The following DLG2 variants were observed in gnomAD, a reference collection of about 807,000 sequenced individuals.
DLG2 encodes disks large homolog 2.
DLG2 carries 45 observed loss-of-function variants against 132.5 expected under a neutral mutation model. That is an observed-to-expected ratio of 0.34 (90% CI 0.27 to 0.44). The LOEUF (loss-of-function observed/expected upper bound fraction) is 0.44. Among genes scored for constraint, DLG2 ranks in the 20% least tolerant of loss-of-function variants. DLG2 has a pLI of 1.00. For missense variants in DLG2, 1,045 were observed against 1,196.9 expected (o/e 0.87, Z 1.87); for synonymous variants, 424 against 419.6 (o/e 1.01, Z -0.13).
At chr11:83,739,453 G>C (rs1210235800) in intron 18 of DLG2, among the ~76,000 whole-genome samples, 1 of 151,966 alleles carries the variant, frequency 6.6e-6, no homozygotes, top group Non-Finnish European at 1.5e-5. Flanking sequence ...ATATGCATTG[G>C]AGCCTTAAAT....
chr11:83,721,036 G>A (rs2088404476), intron 18 of DLG2: 1 of 151,988 alleles, frequency 6.6e-6, no homozygotes, highest in Admixed American at 6.6e-5. Flanking sequence ...AAAGAATCTG[G>A]GCCTTTAGCA....
At chr11:85,502,944 T>G (rs1190429340) in intron 3 of DLG2, among the ~76,000 whole-genome samples, 1 of 152,002 alleles carries the variant, frequency 6.6e-6, no homozygotes, top group East Asian at 1.9e-4. Flanking sequence ...CACTCTACAA[T>G]GGATACATTA....
At chr11:84,115,430 ATTT>A (rs200117183) in intron 9 of DLG2, among the ~76,000 whole-genome samples, 1,870 of 152,272 alleles carry the variant, frequency 0.012, 34 homozygotes, top group African/African-American at 0.043. Flanking sequence ...TTAGGAGTAT[ATTT>A]GCTTTCTTTG....
In DLG2 at chr11:83,461,997, C is replaced by T; in HGVS notation, c.2821+5G>A. On this transcript the variant is annotated splice_donor_5th_base_variant and intron_variant, in intron 27 of 27. Coordinates refer to ENST00000376104, the MANE Select transcript of DLG2 (RefSeq NM_001142699.3). ...CTCACACTACCAGGGTAAAAGTGAA[C>T]TTACCTGTAAAATATTCTCCAAATT... 6.3e-7 allele frequency: 1 copy of T among 1,589,928 alleles called. No homozygotes were observed. Among genetic ancestry groups the T allele is most frequent in the Non-Finnish European group, 8.6e-7 (1 of 1,158,026 alleles).
At chr11:84,961,994 T>C (rs2052649315) in intron 6 of DLG2, among the ~76,000 whole-genome samples, 1 of 152,206 alleles carries the variant, frequency 6.6e-6, no homozygotes, top group South Asian at 2.1e-4. Context: ...GACAGGGTGC[T>C]ATAAGCTTTA....
intron 7 of DLG2, among the ~76,000 whole-genome samples, chr11:84,285,893 T>TGAGTAGGTACTC (rs1363220911): frequency 1.3e-5 from 2 of 152,188 alleles, no homozygotes; most frequent in Admixed American, 1.3e-4. Context: ...ACTCAATAAA[T>TGAGTAGGTACTC]ATTTGTTGGA....
chr11:84,200,994 T>G (rs961169830), intron 8 of DLG2, among the ~76,000 whole-genome samples: 3 of 152,204 alleles, frequency 2.0e-5, no homozygotes, highest in African/African-American at 7.2e-5. Context: ...TGAATAGAAG[T>G]GCTGAGAGAG....
chr11:84,402,733 T>C (rs1218878523), intron 7 of DLG2, among the ~76,000 whole-genome samples: 1 of 151,636 alleles, frequency 6.6e-6, no homozygotes, highest in Non-Finnish European at 1.5e-5. Flanking sequence ...ATACAAGAAA[T>C]TAGCCCAGTG....
chr11:85,189,660 T>A (rs1026946426), intron 4 of DLG2, among the ~76,000 whole-genome samples: 1 of 152,186 alleles, frequency 6.6e-6, no homozygotes, highest in African/African-American at 2.4e-5. Flanking sequence ...TTGTCTTATA[T>A]CTTGATTACA....
rs1382330776 is a variant in DLG2 at position 83,558,081 on chromosome 11, G to C, written c.1941-16223C>G. ...TGTTTGATAATCCACAGACATGTGG[G>C]TTTCTGTAATTTCTTGATAAAGTCA... On this transcript the variant is annotated intron_variant, in intron 19 of 27. Coordinates refer to ENST00000376104, the MANE Select transcript of DLG2 (RefSeq NM_001142699.3). 2.0e-5 allele frequency among the ~76,000 whole-genome samples: 3 copies of C among 152,144 alleles called. No homozygotes were observed. The East Asian group carries it at 5.8e-4, about 29-fold the overall frequency.
chr11:85,118,292 G>T (rs1438836511), intron 5 of DLG2, among the ~76,000 whole-genome samples: 4 of 152,074 alleles, frequency 2.6e-5, no homozygotes, highest in Non-Finnish European at 5.9e-5. Flanking sequence ...CTGAGAACAA[G>T]CGTTTTTCAG....
chr11:84,846,451 C>A (rs2081485114), intron 6 of DLG2, among the ~76,000 whole-genome samples: 2 of 152,152 alleles, frequency 1.3e-5, no homozygotes, highest in South Asian at 4.1e-4. Flanking sequence ...CCTTCCAAAT[C>A]TATCTCCAAT....
At chr11:84,627,969 C>A (rs2154543316) in intron 6 of DLG2, among the ~76,000 whole-genome samples, 1 of 152,160 alleles carries the variant, frequency 6.6e-6, no homozygotes, top group African/African-American at 2.4e-5. Flanking sequence ...TAGGGGATTA[C>A]AATTCAACAT....
chr11:84,608,404 G>T (rs2099589533), intron 6 of DLG2, among the ~76,000 whole-genome samples: 1 of 152,166 alleles, frequency 6.6e-6, no homozygotes, highest in Non-Finnish European at 1.5e-5. Context: ...GTTCTGAAAA[G>T]GCACTCTTCA....
chr11:84,294,152 ACTCT>A (rs1349796485), intron 7 of DLG2, among the ~76,000 whole-genome samples: 2 of 152,144 alleles, frequency 1.3e-5, no homozygotes, highest in African/African-American at 4.8e-5. Context: ...TGTTGGCCTA[ACTCT>A]CCATATTCTA....
At chr11:84,138,682 T>G (rs2154233809) in intron 9 of DLG2, among the ~76,000 whole-genome samples, 1 of 152,254 alleles carries the variant, frequency 6.6e-6, no homozygotes, top group East Asian at 1.9e-4. Context: ...GGCACGGTGG[T>G]TCACGCCCAT....
intron 6 of DLG2, among the ~76,000 whole-genome samples, chr11:84,600,151 A>AAAGAAG (rs1555082703): frequency 3.6e-5 from 4 of 110,014 alleles, no homozygotes; most frequent in African/African-American, 7.3e-5. Flanking sequence ...AAGGAAAGAA[A>AAAGAAG]GAAAGAAGGA....
At chr11:85,037,685 T>G (rs778069578) in intron 6 of DLG2, among the ~76,000 whole-genome samples, 1 of 152,116 alleles carries the variant, frequency 6.6e-6, no homozygotes, top group Non-Finnish European at 1.5e-5. Flanking sequence ...TTACTTGAAG[T>G]TCATCTATTC....
chr11:84,713,867 A>C (rs2153778067), intron 6 of DLG2, among the ~76,000 whole-genome samples: 1 of 152,222 alleles, frequency 6.6e-6, no homozygotes, highest in Admixed American at 6.5e-5. Context: ...AATAGTAGAA[A>C]ATTTAAGGGG....
Sources: gnomAD v4.1 joint callset for allele counts (sites outside exome capture counted in the v4.1 genomes callset) on GRCh38, gnomAD v4.1.1 for gene constraint, MANE v1.5 for transcripts, NCBI Gene and HGNC (gene_info 2026-07-23, HGNC 2026-07-21) for gene names.